Variants in CARMIL1 observed in about 807,000 individuals in gnomAD.
The protein encoded by CARMIL1 is F-actin-uncapping protein LRRC16A.
Under a neutral mutation model 177.1 loss-of-function variants are expected in CARMIL1, and 90 were observed. The observed-to-expected ratio is 0.51, with a 90% CI of 0.43 to 0.61. The LOEUF (loss-of-function observed/expected upper bound fraction) is 0.61. Ranked by LOEUF, CARMIL1 falls within the 20% of genes least tolerant of loss-of-function variation. The pLI is 0.00. For synonymous variants in CARMIL1, 577 were observed against 606.2 expected (o/e 0.95, Z 0.71); for missense variants, 1,380 against 1,667.0 (o/e 0.83, Z 3.00).
Position 25,471,202 on chromosome 6 carries a change from G to C in CARMIL1, c.724G>C (p.Val242Leu). The C allele has an allele frequency of 6.2e-7, 1 of 1,613,316 alleles. No individual in the cohort carries two copies. The stretch of plus-strand genomic sequence containing the variant: ...TGTCTGTGAACAGATCTTGAGGGTG[G>C]TGAGTAGGTCCAATCGACTGGAAGA... ...TDVCEQILRV[V>L]SRSNRLEELV... The change falls in exon 10 of 37, where the codon GTG becomes CTG. Residue 242 changes from valine to leucine, a missense_variant. Transcript: ENST00000329474.
intron 15 of CARMIL1, among the ~76,000 whole-genome samples, chr6:25,494,694 G>T (rs142554045): frequency 5.9e-5 from 9 of 152,312 alleles, no homozygotes; most frequent in East Asian, 1.9e-4. Flanking sequence ...CTTGTTGCAT[G>T]TGAAACCTGC....
At chr6:25,452,077 C>A (rs768858663) in intron 8 of CARMIL1, 1 of 676,776 alleles carries the variant, frequency 1.5e-6, no homozygotes, top group Admixed American at 1.8e-5. Context: ...CCCTGAAGAG[C>A]TCTAGCCAAC....
rs182406557 is a variant in CARMIL1 at position 25,455,243 on chromosome 6, A to T, written c.614+4532A>T. Among the ~76,000 whole-genome samples the T allele has an allele frequency of 3.1e-4, 47 of 152,328 alleles. No individual in the cohort carries two copies. In the East Asian group the frequency reaches 6.7e-3, roughly 22 times the overall value. Reference sequence around the variant, plus strand: ...TCATATTACAGCTAGAGAAAGCTGTACTTGTTTCAGAGTCAATAAGAAAGC... The same window carrying T: ...TCATATTACAGCTAGAGAAAGCTGTTCTTGTTTCAGAGTCAATAAGAAAGC... On this transcript the variant is annotated intron_variant, in intron 8 of 36. Coordinates refer to ENST00000329474, the MANE Select transcript of CARMIL1 (RefSeq NM_017640.6).
At chr6:25,501,287 T>C (rs1378495538) in intron 17 of CARMIL1, among the ~76,000 whole-genome samples, 1 of 152,118 alleles carries the variant, frequency 6.6e-6, no homozygotes, top group Non-Finnish European at 1.5e-5. Flanking sequence ...ACTCCTACCA[T>C]GTCCATCTTC....
intron 5 of CARMIL1, among the ~76,000 whole-genome samples, chr6:25,439,257 A>G (rs1216103002): frequency 1.3e-5 from 2 of 152,044 alleles, no homozygotes; most frequent in African/African-American, 4.8e-5. Flanking sequence ...GACCTACAAG[A>G]CCTCCATAGA....
chr6:25,589,353 G>A (rs1814081545), intron 31 of CARMIL1, among the ~76,000 whole-genome samples: 1 of 152,236 alleles, frequency 6.6e-6, no homozygotes, highest in African/African-American at 2.4e-5. Flanking sequence ...TAATTCTTCA[G>A]CTCTTTCGAT....
In CARMIL1 at chr6:25,356,946, C is replaced by T. The variant is rs1302472533; in HGVS notation, c.139-63168C>T. On this transcript the variant is annotated intron_variant, in intron 2 of 36. Coordinates refer to ENST00000329474, the MANE Select transcript of CARMIL1 (RefSeq NM_017640.6). ...CTCTTCCAGAACCCTTAAACGGCAG[C>T]CTTTTCTTTACTTCCAGCTCTTACC... 2.6e-5 allele frequency among the ~76,000 whole-genome samples: 4 copies of T among 152,214 alleles called. No homozygotes were observed. The South Asian group carries it at 8.3e-4, about 32-fold the overall frequency.
At chr6:25,316,557 G>A (rs373937006) in intron 2 of CARMIL1, among the ~76,000 whole-genome samples, 23 of 152,036 alleles carry the variant, frequency 1.5e-4, no homozygotes, top group African/African-American at 5.3e-4. Flanking sequence ...AATTACAGGC[G>A]CATGTCACTG....
At chr6:25,519,787 T>G (rs1173890419) in intron 22 of CARMIL1, among the ~76,000 whole-genome samples, 1 of 152,222 alleles carries the variant, frequency 6.6e-6, no homozygotes, top group African/African-American at 2.4e-5. Context: ...AAATGTTTTG[T>G]TTTTATTTCT....
intron 2 of CARMIL1, among the ~76,000 whole-genome samples, chr6:25,306,512 T>C (rs943028264): frequency 6.6e-6 from 1 of 152,140 alleles, no homozygotes; most frequent in Non-Finnish European, 1.5e-5. Context: ...CCCACTTTTA[T>C]TGAAAAGTTG....
chr6:25,478,039 T>G (rs1801740086), intron 11 of CARMIL1, among the ~76,000 whole-genome samples: 1 of 151,986 alleles, frequency 6.6e-6, no homozygotes. Context: ...AATTTTTTTT[T>G]GTAGTGATGT....
chr6:25,590,328 C>G (rs1814170685), intron 31 of CARMIL1, among the ~76,000 whole-genome samples: 1 of 152,076 alleles, frequency 6.6e-6, no homozygotes, highest in South Asian at 2.1e-4. Flanking sequence ...AGTGTTATAA[C>G]ATTTTTAGTC....
At chr6:25,284,247 TTA>T (rs1254738146) in intron 1 of CARMIL1, among the ~76,000 whole-genome samples, 1 of 151,834 alleles carries the variant, frequency 6.6e-6, no homozygotes, top group Admixed American at 6.5e-5. Flanking sequence ...GTTTTTTCTT[TTA>T]TATGTATCTT....
chr6:25,294,250 C>T (rs1782221742), intron 2 of CARMIL1, among the ~76,000 whole-genome samples: 1 of 152,110 alleles, frequency 6.6e-6, no homozygotes. Flanking sequence ...TCTGCTGATC[C>T]CTGGGCCCTG....
intron 8 of CARMIL1, among the ~76,000 whole-genome samples, chr6:25,462,976 A>C (rs901737331): frequency 1.3e-5 from 2 of 152,160 alleles, no homozygotes; most frequent in Admixed American, 1.3e-4. Flanking sequence ...TTTTTAACAT[A>C]AGAAGCCTAG....
chr6:25,525,967 A>C (rs1254947602), intron 23 of CARMIL1, among the ~76,000 whole-genome samples: 1 of 152,162 alleles, frequency 6.6e-6, no homozygotes, highest in East Asian at 1.9e-4. Flanking sequence ...GAATCCTACT[A>C]TATTAAGACA....
intron 33 of CARMIL1, among the ~76,000 whole-genome samples, chr6:25,603,073 G>C (rs1815594433): frequency 6.6e-6 from 1 of 152,198 alleles, no homozygotes. Context: ...AGGGAAAAGA[G>C]AACAACTCCC....
intron 17 of CARMIL1, among the ~76,000 whole-genome samples, chr6:25,503,261 C>G (rs1011114616): frequency 3.3e-5 from 5 of 152,166 alleles, no homozygotes; most frequent in African/African-American, 1.2e-4. Flanking sequence ...CATGTTCTCC[C>G]CACTTATAAC....
At chr6:25,530,474 G>A (rs549501667) in intron 24 of CARMIL1, among the ~76,000 whole-genome samples, 4 of 152,188 alleles carry the variant, frequency 2.6e-5, no homozygotes, top group Admixed American at 6.5e-5. Context: ...AAGATTGTGC[G>A]AGACTCTGAC....
Sources: gnomAD v4.1 joint callset for allele counts (sites outside exome capture counted in the v4.1 genomes callset) on GRCh38, gnomAD v4.1.1 for gene constraint, MANE v1.5 for transcripts, NCBI Gene and HGNC (gene_info 2026-07-23, HGNC 2026-07-21) for gene names.